ADGRB3: variants seen among roughly 807,000 people sequenced by gnomAD.
The protein encoded by ADGRB3 is brain-specific angiogenesis inhibitor 3.
A neutral mutation model predicts 193.4 loss-of-function variants in ADGRB3; 37 were observed. The observed-to-expected ratio is 0.19, with a 90% CI of 0.15 to 0.25. The LOEUF is 0.25. ADGRB3 is among the 10% of genes least tolerant of loss of function. The pLI, the probability that ADGRB3 is intolerant of heterozygous loss-of-function variation, is 1.00. For synonymous variants in ADGRB3, 690 were observed against 644.2 expected (o/e 1.07, Z -1.08); for missense variants, 1,637 against 1,852.9 (o/e 0.88, Z 2.14).
In ADGRB3 at chr6:68,956,667, G is replaced by A. The variant is rs1376684053; in HGVS notation, c.1383G>A (p.Trp461Ter). The change falls in exon 8 of 32, where the codon TGG becomes TGA. Residue 461 changes from tryptophan to a stop codon, truncating the protein, a stop_gained. Transcript: ENST00000370598. LOFTEE classifies it high-confidence loss of function. The part of the protein sequence containing the change: ...ECTANGQWNQ[W>*]GHWSGCSKSC... ...CAGCCAATGGTCAATGGAATCAGTG[G>A]GGTCATTGGAGTGGTTGTTCCAAGT... 2 of 1,613,842 alleles carry A rather than the reference G, an allele frequency of 1.2e-6. No individual in the cohort carries two copies. The highest frequency in any genetic ancestry group is 1.7e-6 in the Non-Finnish European group (2 of 1,179,956).
chr6:69,159,829 G>C (rs1438804017), intron 17 of ADGRB3, among the ~76,000 whole-genome samples: 1 of 152,064 alleles, frequency 6.6e-6, no homozygotes, highest in African/African-American at 2.4e-5. Flanking sequence ...TAGCATATAT[G>C]CTTTATAAAC....
At chr6:69,192,905 T>C (rs1029193448) in intron 17 of ADGRB3, among the ~76,000 whole-genome samples, 1 of 152,172 alleles carries the variant, frequency 6.6e-6, no homozygotes, top group Admixed American at 6.6e-5. Context: ...GCTGACTACA[T>C]TTTGCTACAA....
intron 3 of ADGRB3, among the ~76,000 whole-genome samples, chr6:68,883,562 G>A (rs962299609): frequency 6.6e-6 from 1 of 152,150 alleles, no homozygotes; most frequent in East Asian, 1.9e-4. Context: ...AGGTCAGCGA[G>A]ACCACGAACT....
At chr6:68,702,460 T>A (rs746399982) in intron 3 of ADGRB3, among the ~76,000 whole-genome samples, 3 of 152,344 alleles carry the variant, frequency 2.0e-5, no homozygotes, top group Admixed American at 1.3e-4. Flanking sequence ...AAATTGCTTA[T>A]GAGTCTGCAA....
intron 3 of ADGRB3, among the ~76,000 whole-genome samples, chr6:68,909,971 G>T (rs1053134374): frequency 7.9e-5 from 12 of 152,200 alleles, no homozygotes; most frequent in Non-Finnish European, 1.8e-4. Flanking sequence ...GATCCCTGAG[G>T]AATCGCCACG....
At chr6:69,293,495 A>G (rs1767738308) in intron 20 of ADGRB3, among the ~76,000 whole-genome samples, 1 of 152,146 alleles carries the variant, frequency 6.6e-6, no homozygotes, top group Non-Finnish European at 1.5e-5. Flanking sequence ...TACGTTTCTC[A>G]AAGAGAGCTA....
chr6:68,813,406 G>A (rs1290303665), intron 3 of ADGRB3, among the ~76,000 whole-genome samples: 1 of 152,108 alleles, frequency 6.6e-6, no homozygotes, highest in Non-Finnish European at 1.5e-5. Flanking sequence ...CATTGGGCTT[G>A]CAAGTGTTAG....
chr6:68,781,200 T>C (rs1042168009), intron 3 of ADGRB3, among the ~76,000 whole-genome samples: 1 of 152,138 alleles, frequency 6.6e-6, no homozygotes, highest in African/African-American at 2.4e-5. Flanking sequence ...ATTTTCACCA[T>C]TTATATCAGG....
At chr6:69,348,768 AAACT>A (rs1769162101) in intron 26 of ADGRB3, among the ~76,000 whole-genome samples, 1 of 152,180 alleles carries the variant, frequency 6.6e-6, no homozygotes, top group Admixed American at 6.5e-5. Context: ...CAATATTGTT[AAACT>A]AATAACTGGA....
chr6:68,767,762 C>T (rs1766538400), intron 3 of ADGRB3, among the ~76,000 whole-genome samples: 1 of 152,108 alleles, frequency 6.6e-6, no homozygotes, highest in Admixed American at 6.6e-5. Flanking sequence ...TCTCTGTTTG[C>T]AATGACATGA....
intron 3 of ADGRB3, among the ~76,000 whole-genome samples, chr6:68,771,826 GA>G (rs1766623814): frequency 6.6e-6 from 1 of 152,092 alleles, no homozygotes; most frequent in Admixed American, 6.6e-5. Context: ...CAAGGGGAAG[GA>G]AAGGTTGCAG....
At chr6:68,988,465 G>C (rs927032831) in intron 10 of ADGRB3, among the ~76,000 whole-genome samples, 1 of 152,172 alleles carries the variant, frequency 6.6e-6, no homozygotes, top group East Asian at 1.9e-4. Flanking sequence ...TGTTACTAGG[G>C]TACTTGTAGT....
chr6:69,062,384 G>T (rs1041824174), intron 15 of ADGRB3, among the ~76,000 whole-genome samples: 7 of 151,732 alleles, frequency 4.6e-5, no homozygotes, highest in African/African-American at 1.7e-4. Context: ...TCAAGCAGTG[G>T]CCTGTCAATC....
intron 20 of ADGRB3, among the ~76,000 whole-genome samples, chr6:69,262,616 C>G (rs987700255): frequency 2.0e-5 from 3 of 151,934 alleles, no homozygotes; most frequent in Non-Finnish European, 4.4e-5. Flanking sequence ...ATAATTCCCT[C>G]TTTTGTCTCT....
At chr6:68,661,835 G>T (rs1314388774) in intron 3 of ADGRB3, among the ~76,000 whole-genome samples, 1 of 150,878 alleles carries the variant, frequency 6.6e-6, no homozygotes, top group East Asian at 2.0e-4. Context: ...AAGGGGAATA[G>T]GGAACCAGAT....
intron 3 of ADGRB3, among the ~76,000 whole-genome samples, chr6:68,767,146 G>T (rs1347031237): frequency 1.3e-5 from 2 of 151,948 alleles, no homozygotes; most frequent in Non-Finnish European, 2.9e-5. Flanking sequence ...TAAATCATTT[G>T]TATAAGTATC....
intron 6 of ADGRB3, 66 bp from the exon 7 acceptor site, chr6:68,955,958 G>A: frequency 6.5e-7 from 1 of 1,535,922 alleles, no homozygotes; most frequent in East Asian, 2.3e-5. Context: ...GTTTTACCAG[G>A]TACTTTCTGT....
In ADGRB3 at chr6:68,954,110, A is replaced by G. The variant is rs147259690; in HGVS notation, c.1196-1914A>G. On this transcript the variant is annotated intron_variant, in intron 6 of 31. Transcript: ENST00000370598. ...AATGCTGACTTTGTCTAAATTGTCC[A>G]TAACTCACCACTCTGTGTCTATTAT... Among the ~76,000 whole-genome samples, 670 of 152,308 alleles carry G rather than the reference A, an allele frequency of 4.4e-3. 7 individuals are homozygous for G. Among genetic ancestry groups the G allele is most frequent in the African/African-American group, 0.016 (649 of 41,564 alleles).
At chr6:69,338,864 TG>T in intron 24 of ADGRB3, 51 bp from the exon 25 acceptor site, 1 of 1,517,548 alleles carries the variant, frequency 6.6e-7, no homozygotes, top group South Asian at 1.2e-5. Context: ...AATTTTTTTT[TG>T]GTGACAATTC....
Sources: allele counts gnomAD v4.1 joint callset (sites outside exome capture counted in the v4.1 genomes callset), GRCh38; gene constraint gnomAD v4.1.1; transcripts MANE v1.5; gene names NCBI Gene and HGNC (gene_info 2026-07-23, HGNC 2026-07-21).